MDN1: variants seen among roughly 807,000 people sequenced by gnomAD.
MDN1 encodes midasin AAA ATPase 1.
MDN1 carries 266 observed loss-of-function variants against 669.2 expected under a neutral mutation model. That is an observed-to-expected ratio of 0.40 (90% CI 0.36 to 0.44). MDN1 has a LOEUF of 0.44. Among genes scored for constraint, MDN1 ranks in the 20% least tolerant of loss-of-function variants. The pLI is 1.00. For synonymous variants in MDN1, 2,385 were observed against 2,457.1 expected (o/e 0.97, Z 0.87); for missense variants, 5,940 against 6,754.0 (o/e 0.88, Z 4.22).
In MDN1 at chr6:89,708,741, G is replaced by A. The variant is rs1813686306; in HGVS notation, c.7766-113C>T. On this transcript the variant is annotated intron_variant, in intron 50 of 101. Transcript: ENST00000369393. Reference sequence around the variant, plus strand: ...TACTTTGAGCACATTGAATCATGATGGGGAAGAGGTTGAACCAGTAAATAC... The same window carrying A: ...TACTTTGAGCACATTGAATCATGATAGGGAAGAGGTTGAACCAGTAAATAC... The A allele has an allele frequency of 1.3e-5, 15 of 1,184,818 alleles. No individual in the cohort carries two copies. In the South Asian group the frequency reaches 2.1e-4, roughly 17 times the overall value. The allele number at this position is 1,184,818 out of a possible 1,614,324, so 73.4% of individuals were successfully genotyped here.
chr6:89,643,993 C>A lies in MDN1; in HGVS notation c.*12G>T. 1 of 1,593,412 alleles carries A rather than the reference C, an allele frequency of 6.3e-7. No individual in the cohort carries two copies. The stretch of plus-strand genomic sequence containing the variant: ...CCACAGTTAAGTCTCACTTTGGACT[C>A]TTCTTTCTGTTCTATGGGTGGTCAG... On this transcript the variant is annotated 3_prime_UTR_variant, in exon 102 of 102. Transcript: ENST00000369393.
At chr6:89,651,540 C>T (rs1040678010) in intron 95 of MDN1, among the ~76,000 whole-genome samples, 4 of 151,936 alleles carry the variant, frequency 2.6e-5, no homozygotes, top group African/African-American at 4.8e-5. Context: ...CACTTGAACC[C>T]GGGAGGCAGA....
rs1239053734 is a variant in MDN1, at chr6:89,750,543, T to C, written c.3228-11A>G. 24 of 1,592,616 alleles carry C rather than the reference T, an allele frequency of 1.5e-5. No individual in the cohort carries two copies. Among genetic ancestry groups the C allele is most frequent in the Non-Finnish European group, 2.0e-5 (23 of 1,164,158 alleles). ...AGCACTGGATAGGTTCTGTAAAAGATTAGCCAATTAAGCAACTTAAAACAA... is the reference window on the plus strand; with the variant it reads ...AGCACTGGATAGGTTCTGTAAAAGACTAGCCAATTAAGCAACTTAAAACAA... On this transcript the variant is annotated splice_polypyrimidine_tract_variant and intron_variant, in intron 23 of 101. Transcript: ENST00000369393.
chr6:89,717,662 G>GTT (rs1814483241), intron 43 of MDN1, among the ~76,000 whole-genome samples: 1 of 152,156 alleles, frequency 6.6e-6, no homozygotes. Context: ...AGTTCAAATG[G>GTT]CAGGCTTAAA....
rs1816217906 is a variant in MDN1, at chr6:89,740,335, T to G, written c.4492A>C (p.Ser1498Arg). 4.4e-6 allele frequency: 7 copies of G among 1,593,588 alleles called. No homozygotes were observed. Among genetic ancestry groups the G allele is most frequent in the Non-Finnish European group, 6.0e-6 (7 of 1,174,612 alleles). The change falls in exon 32 of 102, where the codon AGT (serine) becomes CGT (arginine). Residue 1498 changes from serine to arginine, a missense_variant. Transcript: ENST00000369393. ...ATTTCACTATCCTTGTCCTCTGGAC[T>G]GCCTTTTTCAGCTAATACCAGAGAC... The part of the protein sequence containing the change: ...EKSLVLAEKG[S>R]PEDKDSEIEL...
intron 73 of MDN1, 39 bp downstream of exon 73, chr6:89,683,092 TG>T (rs1811755775): frequency 6.2e-7 from 1 of 1,601,600 alleles, no homozygotes; most frequent in Admixed American, 1.7e-5. Flanking sequence ...CCCACTTGAC[TG>T]GCTTGGGAAT....
In MDN1 at chr6:89,714,770, A is replaced by G. The variant is rs766356091; in HGVS notation, c.6861-19T>C. The G allele has an allele frequency of 5.0e-6, 8 of 1,597,738 alleles. No homozygotes were observed. In the South Asian group the frequency reaches 8.9e-5, roughly 18 times the overall value. On this transcript the variant is annotated intron_variant, in intron 45 of 101. Transcript: ENST00000369393. ...GAAAAGTCTAGAAAAATAGCAATTC[A>G]AAGAAAAAAATGATTTTAAATCCCA...
intron 64 of MDN1, 44 bp from the exon 65 acceptor site, chr6:89,690,187 C>G: frequency 6.3e-7 from 1 of 1,586,718 alleles, no homozygotes; most frequent in Non-Finnish European, 8.6e-7. Flanking sequence ...AAATCAGAAT[C>G]TACTTCTAAT....
At chr6:89,658,473 T>TA (rs1047992927) in intron 89 of MDN1, 103 bp from the exon 90 acceptor site, 43 of 1,551,554 alleles carry the variant, frequency 2.8e-5, no homozygotes, top group Admixed American at 2.0e-4. Context: ...CTAAGGGTCT[T>TA]AAAACAGAAA....
At chr6:89,656,113 A>G in intron 91 of MDN1, 145 bp from the exon 92 acceptor site, 1 of 670,742 alleles carries the variant, frequency 1.5e-6, no homozygotes, top group Non-Finnish European at 2.5e-6. Flanking sequence ...TATTAAAAAG[A>G]ACCGGGACTC....
chr6:89,750,927 TTAAAAGAA>T (rs1340006321), intron 23 of MDN1, among the ~76,000 whole-genome samples: 2 of 151,852 alleles, frequency 1.3e-5, no homozygotes, highest in Non-Finnish European at 2.9e-5. Context: ...TTTTTTTTTT[TTAAAAGAA>T]TGACGACATC....
At chr6:89,714,902 A>G (rs1283853358) in intron 45 of MDN1, 151 bp from the exon 46 acceptor site, 1 of 656,640 alleles carries the variant, frequency 1.5e-6, no homozygotes, top group Non-Finnish European at 2.6e-6. Context: ...ATGCATCAAT[A>G]TAGCAAAAGA....
intron 43 of MDN1, among the ~76,000 whole-genome samples, chr6:89,717,236 C>T (rs1814437105): frequency 6.6e-6 from 1 of 152,104 alleles, no homozygotes; most frequent in South Asian, 2.1e-4. Context: ...TTGCCAAATG[C>T]TTTATAGTTT....
chr6:89,775,907 T>A (rs906690317), intron 12 of MDN1, among the ~76,000 whole-genome samples: 10 of 152,062 alleles, frequency 6.6e-5, no homozygotes, highest in African/African-American at 2.4e-4. Flanking sequence ...CAGGCTGGTC[T>A]TAAACTCCCG....
chr6:89,747,479 G>T lies in MDN1; in HGVS notation c.3763-9C>A. On this transcript the variant is annotated splice_polypyrimidine_tract_variant and intron_variant, in intron 26 of 101. Transcript: ENST00000369393. ...GAACTTCTGCGATAGGACTGTTGAA[G>T]TATCAAAACAAATGAAAAGGGGCAT... 1 of 1,608,690 alleles carries T rather than the reference G, an allele frequency of 6.2e-7. No homozygotes were observed.
Position 89,696,562 on chromosome 6 carries a change from G to T in MDN1, c.9181C>A (p.Leu3061Ile), listed in dbSNP as rs1324186192. The T allele has an allele frequency of 6.2e-7, 1 of 1,613,646 alleles. No homozygotes were observed. The change falls in exon 60 of 102, where the codon CTC becomes ATC. Residue 3061 changes from leucine to isoleucine, a missense_variant. Coordinates refer to ENST00000369393, the MANE Select transcript of MDN1 (RefSeq NM_014611.3). ...CACTTAGAGAATATGGGTCTATTGA[G>T]ATTGCCGGGGCCCTAAAGGACAAGA... Reference protein sequence around the residue: ...LDSTLKGPGNLNRPIFSKCCF... With the variant: ...LDSTLKGPGNINRPIFSKCCF...
chr6:89,695,685 G>A lies in MDN1; in HGVS notation c.9691C>T (p.Gln3231Ter). 6.2e-7 allele frequency: 1 copy of A among 1,613,658 alleles called. No homozygotes were observed. Among genetic ancestry groups the A allele is most frequent in the Non-Finnish European group, 8.5e-7 (1 of 1,179,960 alleles). Reference sequence around the variant, plus strand: ...GCCTGGGGAAGCCATGTCTGAATCTGGAGCAAGCCGAGGCTCACCCAGAGG... The same window carrying A: ...GCCTGGGGAAGCCATGTCTGAATCTAGAGCAAGCCGAGGCTCACCCAGAGG... ...GSLWVSLGLL[Q>*]IQTWLPQARF... Residue 3231 changes from glutamine to a stop codon, truncating the protein, a stop_gained, in exon 61 of 102, where the codon CAG (glutamine) becomes TAG (stop). Transcript: ENST00000369393. LOFTEE classifies it high-confidence loss of function. This position sits in a 1 kb window ranked among gnomAD's most constrained non-coding sequence, Gnocchi z 4.1.
At chr6:89,772,045 TGA>T (rs915891221) in intron 14 of MDN1, among the ~76,000 whole-genome samples, 9 of 152,132 alleles carry the variant, frequency 5.9e-5, no homozygotes, top group African/African-American at 2.2e-4. Context: ...CTCTGAATCA[TGA>T]GAGCCCAGAA....
At chr6:89,760,081 T>C (rs375572881) in intron 17 of MDN1, among the ~76,000 whole-genome samples, 1 of 104,666 alleles carries the variant, frequency 9.6e-6, no homozygotes, top group South Asian at 3.1e-4. Flanking sequence ...CAAAAAAAAA[T>C]AATAATAATA....
Sources: gnomAD v4.1 joint callset for allele counts (sites outside exome capture counted in the v4.1 genomes callset) on GRCh38, gnomAD v4.1.1 for gene constraint, Gnocchi (gnomAD v3.1) non-coding constraint, MANE v1.5 for transcripts, NCBI Gene and HGNC (gene_info 2026-07-23, HGNC 2026-07-21) for gene names.